Variants in PPARGC1A observed in about 807,000 individuals in gnomAD.
The protein encoded by PPARGC1A is peroxisome proliferator-activated receptor gamma coactivator 1-alpha.
A neutral mutation model predicts 88.7 loss-of-function variants in PPARGC1A; 25 were observed. The ratio of observed to expected loss-of-function variants is 0.28; its 90% confidence interval spans 0.21 to 0.39. PPARGC1A has a LOEUF of 0.39. Among genes scored for constraint, PPARGC1A ranks in the 10% least tolerant of loss-of-function variants. The pLI, the probability that PPARGC1A is intolerant of heterozygous loss-of-function variation, is 1.00. For synonymous variants in PPARGC1A, 363 were observed against 355.6 expected (o/e 1.02, Z -0.24); for missense variants, 880 against 968.7 (o/e 0.91, Z 1.22).
chr4:24,153,193 C>T, the PPARGC1A span, among the ~76,000 whole-genome samples: 7 of 152,242 alleles, frequency 4.6e-5, 1 homozygote, highest in East Asian at 1.3e-3. Flanking sequence ...TCTGTTTATA[C>T]AGTTACATGA....
At chr4:24,249,577 A>G in the PPARGC1A span, among the ~76,000 whole-genome samples, 1 of 152,204 alleles carries the variant, frequency 6.6e-6, no homozygotes, top group African/African-American at 2.4e-5. Context: ...AGAAGGAGGA[A>G]CTTTCCTTCA....
chr4:23,871,200 T>C (rs1236562143), intron 2 of PPARGC1A, among the ~76,000 whole-genome samples: 1 of 152,146 alleles, frequency 6.6e-6, no homozygotes, highest in African/African-American at 2.4e-5. Flanking sequence ...TGTCAAAATT[T>C]TCAGTTTGAA....
chr4:24,139,318 A>G, the PPARGC1A span, among the ~76,000 whole-genome samples: 1 of 151,998 alleles, frequency 6.6e-6, no homozygotes, highest in African/African-American at 2.4e-5. Context: ...TGTTTTTAGT[A>G]GAGACGGGGT....
At chr4:24,156,121 A>C in the PPARGC1A span, among the ~76,000 whole-genome samples, 1 of 152,200 alleles carries the variant, frequency 6.6e-6, no homozygotes, top group African/African-American at 2.4e-5. Flanking sequence ...TGAGCCCCAA[A>C]GACAGGTTAA....
chr4:23,815,415 C>T (rs1426278049), intron 7 of PPARGC1A, among the ~76,000 whole-genome samples: 2 of 152,138 alleles, frequency 1.3e-5, no homozygotes, highest in African/African-American at 2.4e-5. Flanking sequence ...CAGTGCCAGC[C>T]GACCATTTTA....
At chr4:24,212,006 G>C in the PPARGC1A span, among the ~76,000 whole-genome samples, 1 of 152,060 alleles carries the variant, frequency 6.6e-6, no homozygotes, top group African/African-American at 2.4e-5. Flanking sequence ...TCCCCAACAC[G>C]TCTTTCTACG....
At chr4:23,886,856 T>TAGAAAAAAAAAAA (rs1716993861) in intron 1 of PPARGC1A, among the ~76,000 whole-genome samples, 1 of 136,314 alleles carries the variant, frequency 7.3e-6, no homozygotes, top group African/African-American at 2.8e-5. Flanking sequence ...GCATAGTCTT[T>TAGAAAAAAAAAAA]AAAAAAAAAA....
the PPARGC1A span, among the ~76,000 whole-genome samples, chr4:24,349,162 C>T: frequency 4.6e-5 from 7 of 152,296 alleles, no homozygotes; most frequent in Middle Eastern, 3.4e-3. Context: ...CTCTATGGGT[C>T]CCTCAGCCGT....
the PPARGC1A span, among the ~76,000 whole-genome samples, chr4:24,272,312 T>G: frequency 6.6e-6 from 1 of 152,162 alleles, no homozygotes; most frequent in Non-Finnish European, 1.5e-5. Flanking sequence ...CCCTTCCTAT[T>G]GTCTCTAACG....
the PPARGC1A span, among the ~76,000 whole-genome samples, chr4:24,190,202 T>C: frequency 6.6e-6 from 1 of 152,014 alleles, no homozygotes; most frequent in African/African-American, 2.4e-5. Context: ...ACAACAGGCC[T>C]GTAAGTAATC....
the PPARGC1A span, among the ~76,000 whole-genome samples, chr4:24,256,290 C>A: frequency 1.3e-5 from 2 of 152,126 alleles, no homozygotes; most frequent in Non-Finnish European, 2.9e-5. Context: ...GTTTGTCTTG[C>A]ATACCAAAAA....
chr4:24,450,377 T>C, the PPARGC1A span, among the ~76,000 whole-genome samples: 1 of 152,196 alleles, frequency 6.6e-6, no homozygotes, highest in Non-Finnish European at 1.5e-5. Flanking sequence ...AAATGTCCAT[T>C]TTACAGATCA....
the PPARGC1A span, among the ~76,000 whole-genome samples, chr4:24,343,825 T>A: frequency 2.0e-5 from 3 of 152,050 alleles, no homozygotes; most frequent in Non-Finnish European, 4.4e-5. Flanking sequence ...ATTTGTGAGA[T>A]TGTGGTGCAC....
At chr4:23,971,535 C>T in the PPARGC1A span, among the ~76,000 whole-genome samples, 1 of 152,190 alleles carries the variant, frequency 6.6e-6, no homozygotes, top group Non-Finnish European at 1.5e-5. Context: ...AGTCCCAGAA[C>T]TCAAGAACTT....
At chr4:24,060,380 T>A in the PPARGC1A span, among the ~76,000 whole-genome samples, 1 of 152,224 alleles carries the variant, frequency 6.6e-6, no homozygotes, top group African/African-American at 2.4e-5. Context: ...TACCCATAAT[T>A]TTTCATTCAT....
the PPARGC1A span, among the ~76,000 whole-genome samples, chr4:24,013,849 C>T: frequency 6.6e-6 from 1 of 152,176 alleles, no homozygotes; most frequent in South Asian, 2.1e-4. Context: ...TAATTACCCC[C>T]AAATAAGTTC....
chr4:23,833,267 G>A (rs533965738), intron 2 of PPARGC1A, among the ~76,000 whole-genome samples: 2 of 152,314 alleles, frequency 1.3e-5, no homozygotes, highest in South Asian at 4.2e-4. Context: ...TACCAACACT[G>A]GGCACATGGC....
chr4:23,866,444 C>T (rs144797949), intron 2 of PPARGC1A, among the ~76,000 whole-genome samples: 2 of 152,284 alleles, frequency 1.3e-5, no homozygotes, highest in East Asian at 3.9e-4. Context: ...ATTTTGGTCT[C>T]TGACAGGCAA....
At chr4:24,297,386 G>T in the PPARGC1A span, among the ~76,000 whole-genome samples, 1 of 152,060 alleles carries the variant, frequency 6.6e-6, no homozygotes, top group Non-Finnish European at 1.5e-5. Context: ...TATTCTTCTC[G>T]GAAATGTACT....
Sources: gnomAD v4.1 joint callset for allele counts (sites outside exome capture counted in the v4.1 genomes callset) on GRCh38, gnomAD v4.1.1 for gene constraint, MANE v1.5 for transcripts, NCBI Gene and HGNC (gene_info 2026-07-23, HGNC 2026-07-21) for gene names.